Variants in HERC2 observed in about 807,000 individuals in gnomAD.
HERC2 encodes the protein E3 ubiquitin-protein ligase HERC2.
A neutral mutation model predicts 537.7 loss-of-function variants in HERC2; 102 were observed. That is an observed-to-expected ratio of 0.19 (90% CI 0.16 to 0.22). The LOEUF (loss-of-function observed/expected upper bound fraction) is 0.22. Among genes scored for constraint, HERC2 ranks in the 10% least tolerant of loss-of-function variants. The probability of loss-of-function intolerance (pLI) is 1.00; values close to 1 mark genes in which losing one functional copy is unlikely to be tolerated. For missense variants in HERC2, 4,236 were observed against 6,198.2 expected (o/e 0.68, Z 10.63); for synonymous variants, 2,224 against 2,466.2 (o/e 0.90, Z 2.91).
intron 69 of HERC2, among the ~76,000 whole-genome samples, chr15:28,161,581 A>G (rs1422118767): frequency 6.6e-6 from 1 of 152,220 alleles, no homozygotes; most frequent in East Asian, 1.9e-4. Flanking sequence ...CCTACAGACC[A>G]ATTCAGCAGC....
At chr15:28,135,112 C>T (rs75165924) in intron 79 of HERC2, among the ~76,000 whole-genome samples, 11,872 of 152,170 alleles carry the variant, frequency 0.078, 1,020 homozygotes, top group East Asian at 0.44. Flanking sequence ...GTCAATTGTG[C>T]GTTCTTTCTT....
intron 20 of HERC2, among the ~76,000 whole-genome samples, chr15:28,251,072 C>A (rs2075060500): frequency 6.6e-6 from 1 of 152,170 alleles, no homozygotes; most frequent in South Asian, 2.1e-4. Flanking sequence ...CAGGAGACAA[C>A]CTGTGTGGAC....
At chr15:28,295,587 G>A (rs1250438185) in intron 3 of HERC2, among the ~76,000 whole-genome samples, 2 of 151,954 alleles carry the variant, frequency 1.3e-5, no homozygotes, top group Non-Finnish European at 2.9e-5. Context: ...TAGTAGAGAT[G>A]GGGTTTCACC....
intron 21 of HERC2, among the ~76,000 whole-genome samples, chr15:28,248,140 T>C (rs1463778093): frequency 1.3e-5 from 2 of 152,198 alleles, no homozygotes; most frequent in East Asian, 3.9e-4. Flanking sequence ...AGCCGAGCTG[T>C]AACTGAAACC....
intron 78 of HERC2, among the ~76,000 whole-genome samples, chr15:28,138,254 T>C (rs1483473955): frequency 6.6e-6 from 1 of 152,142 alleles, no homozygotes; most frequent in African/African-American, 2.4e-5. Flanking sequence ...GTGATGAAGG[T>C]GGCTACGCTA....
intron 65 of HERC2, among the ~76,000 whole-genome samples, chr15:28,172,089 A>C (rs1276618679): frequency 1.3e-5 from 2 of 151,780 alleles, no homozygotes; most frequent in Non-Finnish European, 2.9e-5. Context: ...AAAAAAAAAA[A>C]ACCTACACAA....
rs768805663 is a variant in HERC2 at position 28,229,830 on chromosome 15, C to T, written c.4827G>A (p.Leu1609=). The part of the protein sequence containing the change: ...IKSPKDKWQP[L]LSTVTGVHKY... Reference sequence around the variant, plus strand: ...TGTGAACACCTGTAACAGTACTCAACAGCGGCTGCCATTTGTCCTAACAAA... The same window carrying T: ...TGTGAACACCTGTAACAGTACTCAATAGCGGCTGCCATTTGTCCTAACAAA... The change falls in exon 32 of 93, where the codon CTG becomes CTA. Residue 1609 remains leucine (L), a synonymous_variant. Transcript: ENST00000261609. The T allele has an allele frequency of 1.5e-6, 2 of 1,306,038 alleles. No homozygotes were observed. The highest frequency in any genetic ancestry group is 4.6e-5 in the East Asian group (2 of 43,438). The allele number at this position is 1,306,038 out of a possible 1,614,324, so 80.9% of individuals were successfully genotyped here.
In HERC2 at chr15:28,118,939, T is replaced by G. The variant is rs2142070255; in HGVS notation, c.13273-1785A>C. On this transcript the variant is annotated intron_variant, in intron 86 of 92. Transcript: ENST00000261609. ...GCAGCCCCCAGACGTCAATCCACATTGCACACTAGGCTGAAGGGTGTTTAT... is the reference window on the plus strand; with the variant it reads ...GCAGCCCCCAGACGTCAATCCACATGGCACACTAGGCTGAAGGGTGTTTAT... Among the ~76,000 whole-genome samples, 2 of 152,314 alleles carry G rather than the reference T, an allele frequency of 1.3e-5. 1 individual carries two copies. The highest frequency in any genetic ancestry group is 1.3e-4 in the Admixed American group (2 of 15,300).
Position 28,272,995 on chromosome 15 carries a change from G to T in HERC2, c.810C>A (p.His270Gln). The change falls in exon 8 of 93, where the codon CAC becomes CAA. Residue 270 changes from histidine to glutamine, a missense_variant. Physicochemically the swap from His to Gln is conservative, Grantham distance 24 (BLOSUM62 0). Coordinates refer to ENST00000261609, the MANE Select transcript of HERC2 (RefSeq NM_004667.6). ...FLRSVVTGDV[H>Q]GTPATKGPGS... ...CTGGCCCTTTGGTGGCTGGCGTTCC[G>T]TGAACATCCCTGAAATGAAAGCAGT... 1 of 1,612,036 alleles carries T rather than the reference G, an allele frequency of 6.2e-7. No homozygotes were observed. Among genetic ancestry groups the T allele is most frequent in the Non-Finnish European group, 8.5e-7 (1 of 1,179,730 alleles).
In HERC2 at chr15:28,208,058, A is replaced by G. The variant is rs139607332; in HGVS notation, c.7070-1676T>C. ...GGCTGAGTGCAGAACAGAACAGCCAATCCAATTCCCAGGCTCCAATCTTCC... is the reference window on the plus strand; with the variant it reads ...GGCTGAGTGCAGAACAGAACAGCCAGTCCAATTCCCAGGCTCCAATCTTCC... On this transcript the variant is annotated intron_variant, in intron 44 of 92. Coordinates refer to ENST00000261609, the MANE Select transcript of HERC2 (RefSeq NM_004667.6). 4.0e-3 allele frequency among the ~76,000 whole-genome samples: 602 copies of G among 152,340 alleles called. 4 individuals carry two copies. Among genetic ancestry groups the G allele is most frequent in the African/African-American group, 0.014 (571 of 41,568 alleles).
At chr15:28,283,332 T>C (rs1383087138) in intron 4 of HERC2, among the ~76,000 whole-genome samples, 1 of 152,170 alleles carries the variant, frequency 6.6e-6, no homozygotes, top group Non-Finnish European at 1.5e-5. Flanking sequence ...GCCTTAACTA[T>C]CGTGCATTAA....
intron 89 of HERC2, 107 bp downstream of exon 89, chr15:28,115,322 C>A: frequency 1.6e-6 from 1 of 613,656 alleles, no homozygotes; most frequent in East Asian, 2.9e-5. Context: ...TCTGCGTCAC[C>A]TGGGCACTGA....
intron 3 of HERC2, among the ~76,000 whole-genome samples, chr15:28,298,075 T>C (rs2076518476): frequency 1.3e-5 from 2 of 150,182 alleles, no homozygotes; most frequent in African/African-American, 4.9e-5. Flanking sequence ...TAAATTAAAA[T>C]AAAAACACAG....
chr15:28,187,917 G>GT (rs1896468187), intron 55 of HERC2, among the ~76,000 whole-genome samples: 1 of 152,140 alleles, frequency 6.6e-6, no homozygotes. Flanking sequence ...CTCCATCACT[G>GT]TATTTCATGT....
chr15:28,215,008 G>A (rs779875809), intron 39 of HERC2, among the ~76,000 whole-genome samples: 4 of 152,102 alleles, frequency 2.6e-5, no homozygotes, highest in African/African-American at 9.7e-5. Context: ...CTGAGTAGCA[G>A]GGATTACAGG....
chr15:28,248,309 A>G (rs536532110), intron 21 of HERC2, among the ~76,000 whole-genome samples: 9 of 152,330 alleles, frequency 5.9e-5, no homozygotes, highest in Admixed American at 2.6e-4. Flanking sequence ...TAAACTGAAC[A>G]TACAGGATGC....
intron 35 of HERC2, among the ~76,000 whole-genome samples, chr15:28,224,884 C>T (rs762326397): frequency 6.6e-6 from 1 of 152,128 alleles, no homozygotes; most frequent in Non-Finnish European, 1.5e-5. Context: ...AAACAACACA[C>T]AGTAAACAAC....
At chr15:28,204,089 G>A (rs1898151606) in intron 45 of HERC2, among the ~76,000 whole-genome samples, 1 of 152,102 alleles carries the variant, frequency 6.6e-6, no homozygotes, top group Non-Finnish European at 1.5e-5. Context: ...AACTGCCTGT[G>A]AGAAGAAAAC....
rs1887622159 is a variant in HERC2, at chr15:28,111,311, TCA to T, written c.*450_*451del. 6.3e-6 allele frequency: 1 copy of T among 159,858 alleles called. No individual in the cohort carries two copies. Among genetic ancestry groups the T allele is most frequent in the African/African-American group, 2.4e-5 (1 of 41,806 alleles). 9.9% of individuals were successfully genotyped at this position (159,858 alleles called of 1,614,324 possible). A position where few individuals can be genotyped will look rare whatever the true frequency, so the allele number is the denominator to read the frequency against. ...TTCAAAAGTCTTTTAATAAACAAAT[TCA>T]GAGTAAAATTAATTGAAATATTTAT... On this transcript the variant is annotated 3_prime_UTR_variant, in exon 93 of 93. Transcript: ENST00000261609.
Sources: gnomAD v4.1 joint callset for allele counts (sites outside exome capture counted in the v4.1 genomes callset) on GRCh38, gnomAD v4.1.1 for gene constraint, MANE v1.5 for transcripts, NCBI Gene and HGNC (gene_info 2026-07-23, HGNC 2026-07-21) for gene names.